The following NEK10 variants were observed in gnomAD, a reference collection of about 807,000 sequenced individuals.
NEK10 encodes the protein serine/threonine-protein kinase Nek10.
A neutral mutation model predicts 159.8 loss-of-function variants in NEK10; 122 were observed. The ratio of observed to expected loss-of-function variants is 0.76; its 90% CI spans 0.66 to 0.89. The LOEUF is 0.89. Among genes scored for constraint, NEK10 ranks in the 40% least tolerant of loss-of-function variants. The pLI is 0.00. For missense variants in NEK10, 1,342 were observed against 1,323.1 expected (o/e 1.01, Z -0.22); for synonymous variants, 466 against 457.1 (o/e 1.02, Z -0.25).
At chr3:27,362,848 G>A (rs1339997672) in intron 1 of NEK10, among the ~76,000 whole-genome samples, 1 of 151,786 alleles carries the variant, frequency 6.6e-6, no homozygotes, top group African/African-American at 2.4e-5. Context: ...GTGCTCACCT[G>A]AACTACCATT....
intron 23 of NEK10, among the ~76,000 whole-genome samples, chr3:27,241,373 C>G (rs1386263395): frequency 4.6e-5 from 7 of 152,088 alleles, no homozygotes; most frequent in African/African-American, 1.7e-4. Context: ...GACTGAATTC[C>G]AACCATTTGC....
Position 27,110,995 on chromosome 3 carries a change from C to CA in NEK10, c.*276_*277insT. On this transcript the variant is annotated 3_prime_UTR_variant, in exon 36 of 36. Coordinates refer to ENST00000691995, the MANE Select transcript of NEK10 (RefSeq NM_001394966.1). Reference sequence around the variant, plus strand: ...GTTGTTTTTGGGTTTTCCCCCCACCCTCCAAAAGATGAATTTTGCAGCATT... The same window carrying CA: ...GTTGTTTTTGGGTTTTCCCCCCACCCATCCAAAAGATGAATTTTGCAGCATT... 5 of 305,980 alleles carry CA rather than the reference C, an allele frequency of 1.6e-5. No homozygotes were observed. 19.0% of individuals were successfully genotyped at this position (305,980 alleles called of 1,614,324 possible). A position where few individuals can be genotyped will look rare whatever the true frequency, so the allele number is the denominator to read the frequency against.
chr3:27,201,181 C>T (rs1183320833), intron 25 of NEK10, among the ~76,000 whole-genome samples: 1 of 152,072 alleles, frequency 6.6e-6, no homozygotes, highest in East Asian at 1.9e-4. Context: ...CAATTTTTTG[C>T]ATATTTTTAT....
chr3:27,316,095 G>A (rs1036986071), intron 6 of NEK10, among the ~76,000 whole-genome samples: 2 of 152,184 alleles, frequency 1.3e-5, no homozygotes, highest in African/African-American at 4.8e-5. Flanking sequence ...TTCACACTGT[G>A]GGAGGACTTA....
At chr3:27,218,730 G>A in intron 23 of NEK10, among the ~76,000 whole-genome samples, 1 of 114,808 alleles carries the variant, frequency 8.7e-6, no homozygotes. Context: ...TTAACAGAAT[G>A]AAGTCTAAAA....
intron 1 of NEK10, among the ~76,000 whole-genome samples, chr3:27,366,904 C>A (rs57689511): frequency 6.6e-6 from 1 of 150,776 alleles, no homozygotes; most frequent in Non-Finnish European, 1.5e-5. Context: ...CTCCGCCTCC[C>A]GGTTCAAGGG....
chr3:27,269,361 C>T (rs542335476), intron 22 of NEK10, among the ~76,000 whole-genome samples: 1 of 152,314 alleles, frequency 6.6e-6, no homozygotes, highest in African/African-American at 2.4e-5. Flanking sequence ...GAGACAATCT[C>T]TGCAGCAAAC....
intron 23 of NEK10, among the ~76,000 whole-genome samples, chr3:27,221,132 T>C (rs1202538394): frequency 1.3e-5 from 2 of 152,202 alleles, no homozygotes. Flanking sequence ...CTAGAATGAC[T>C]CTTAAGCACA....
At chr3:27,232,284 A>G (rs561611348) in intron 23 of NEK10, among the ~76,000 whole-genome samples, 25 of 152,016 alleles carry the variant, frequency 1.6e-4, no homozygotes, top group African/African-American at 5.5e-4. Context: ...CAAGCTGAGA[A>G]TCAAATCAAG....
Position 27,111,330 on chromosome 3 carries a change from T to C in NEK10, c.3300-10A>G. On this transcript the variant is annotated splice_polypyrimidine_tract_variant and intron_variant, in intron 35 of 35. Transcript: ENST00000691995. ...TGGATAGGAATGATACCTATAAGAT[T>C]CAGAAGTGGAAAGAATTCTCTATAG... 6.4e-7 allele frequency: 1 copy of C among 1,573,870 alleles called. No homozygotes were observed. Among genetic ancestry groups the C allele is most frequent in the East Asian group, 2.4e-5 (1 of 42,316 alleles).
intron 29 of NEK10, among the ~76,000 whole-genome samples, chr3:27,171,450 T>C (rs1464532680): frequency 1.3e-5 from 2 of 152,104 alleles, no homozygotes; most frequent in Non-Finnish European, 2.9e-5. Context: ...ATAAGTCATA[T>C]TGGTCAAAAA....
intron 33 of NEK10, among the ~76,000 whole-genome samples, chr3:27,119,537 G>C (rs1041279199): frequency 2.0e-5 from 3 of 152,120 alleles, no homozygotes; most frequent in Admixed American, 6.6e-5. Flanking sequence ...TCTGCTGTTT[G>C]TTTATGATAT....
intron 23 of NEK10, among the ~76,000 whole-genome samples, chr3:27,250,839 G>C (rs1296863235): frequency 1.3e-5 from 2 of 152,068 alleles, no homozygotes; most frequent in African/African-American, 4.8e-5. Flanking sequence ...CTGCTTTTGA[G>C]ATCCTTTCTT....
intron 22 of NEK10, among the ~76,000 whole-genome samples, chr3:27,267,919 C>A (rs9823542): frequency 6.6e-6 from 1 of 152,186 alleles, no homozygotes; most frequent in Non-Finnish European, 1.5e-5. Context: ...AATGGAAAAG[C>A]TCTGGAAGGA....
chr3:27,305,086 A>G, intron 11 of NEK10, 115 bp from the exon 12 acceptor site: 2 of 682,362 alleles, frequency 2.9e-6, no homozygotes, highest in Non-Finnish European at 5.0e-6. Context: ...TTTGTAAGTC[A>G]TGGGTCAATG....
intron 19 of NEK10, among the ~76,000 whole-genome samples, chr3:27,288,025 G>C (rs1202929633): frequency 6.6e-6 from 1 of 152,192 alleles, no homozygotes; most frequent in African/African-American, 2.4e-5. Flanking sequence ...GAGAACTATA[G>C]AGGTAGAAGG....
intron 9 of NEK10, chr3:27,309,992 T>C (rs534856221): frequency 1.3e-5 from 2 of 152,310 alleles, no homozygotes; most frequent in East Asian, 1.9e-4. Context: ...ATTTTCAGAA[T>C]GCGGAGTGCC....
At chr3:27,264,110 A>G (rs1187295866) in intron 22 of NEK10, among the ~76,000 whole-genome samples, 1 of 152,232 alleles carries the variant, frequency 6.6e-6, no homozygotes, top group Non-Finnish European at 1.5e-5. Flanking sequence ...TAACAAAGTG[A>G]GATATTAATC....
intron 22 of NEK10, among the ~76,000 whole-genome samples, chr3:27,271,747 G>A (rs1260176023): frequency 6.6e-6 from 1 of 152,070 alleles, no homozygotes; most frequent in Non-Finnish European, 1.5e-5. Flanking sequence ...CATATTTGGA[G>A]AAGAAGAAAA....
Sources: allele counts gnomAD v4.1 joint callset (sites outside exome capture counted in the v4.1 genomes callset), GRCh38; gene constraint gnomAD v4.1.1; transcripts MANE v1.5; gene names NCBI Gene and HGNC (gene_info 2026-07-23, HGNC 2026-07-21).